The following PCDHGB6 variants were observed in gnomAD, a reference collection of about 807,000 sequenced individuals.
PCDHGB6 encodes the protein protocadherin gamma subfamily B, 6, also known as protocadherin gamma-B6.
PCDHGB6 carries 51 observed loss-of-function variants against 59.1 expected under a neutral mutation model. The observed-to-expected ratio is 0.86, with a 90% CI of 0.69 to 1.09. The LOEUF is 1.09. Among genes scored for constraint, PCDHGB6 ranks in the 50% least tolerant of loss-of-function variants. The pLI is 0.00. For synonymous variants in PCDHGB6, 466 were observed against 495.1 expected, an observed-to-expected ratio of 0.94 and a Z score of 0.78; for missense variants, 1,148 against 1,205.1, an observed-to-expected ratio of 0.95 and a Z score of 0.70.
In PCDHGB6 at chr5:141,477,428, T is replaced by C; in HGVS notation, c.2419-17379T>C. On this transcript the variant is annotated intron_variant, in intron 1 of 3. Transcript: ENST00000520790. The surrounding 1 kb of genome is among the most constrained non-coding windows in gnomAD (Gnocchi z 4.9). ...CCGAGACGCCGGAACCCCTTCCCTC[T>C]CAGCCCTTACAATAGTGCGTGTTCA... The C allele has an allele frequency of 6.2e-7, 1 of 1,614,142 alleles. No individual in the cohort carries two copies. Among genetic ancestry groups the C allele is most frequent in the Non-Finnish European group, 8.5e-7 (1 of 1,180,036 alleles).
At chr5:141,438,334 A>G (rs756299924) in intron 1 of PCDHGB6, among the ~76,000 whole-genome samples, 6 of 151,946 alleles carry the variant, frequency 3.9e-5, no homozygotes, top group Non-Finnish European at 7.4e-5. Context: ...TATACATGTC[A>G]TATAAGGATC....
chr5:141,410,479 G>A lies in PCDHGB6; in HGVS notation c.2277G>A (p.Thr759=). Residue 759 remains threonine (T), a synonymous_variant, in exon 1 of 4, where the codon ACG becomes ACA. Transcript: ENST00000520790. ...CTTATAATCTGTGCATTGCACATAC[G>A]GGTACAAAAGAGTTTAATTTCCTAA... ...PYSYNLCIAH[T]GTKEFNFLKC... is the part of the protein sequence containing the mutation. 1.2e-6 allele frequency: 2 copies of A among 1,613,956 alleles called. No homozygotes were observed. Among genetic ancestry groups the A allele is most frequent in the Non-Finnish European group, 1.7e-6 (2 of 1,179,878 alleles).
At position 141,408,896 on chromosome 5, in the gene PCDHGB6, GT is replaced by G; in HGVS notation, c.695del (p.Val232AlafsTer33). On this transcript the variant is annotated frameshift_variant, in exon 1 of 4. Transcript: ENST00000520790. LOFTEE classifies it high-confidence loss of function. ...TGCCACCGCTCACATAGAAATTTCTGTCAAGGATACCAATGATAACCCCCCG... is the reference window on the plus strand; with the variant it reads ...TGCCACCGCTCACATAGAAATTTCTGCAAGGATACCAATGATAACCCCCCG... The part of the protein sequence containing the change: ...RSATAHIEIS[V>X]KDTNDNPPVF... The G allele has an allele frequency of 6.2e-7, 1 of 1,613,328 alleles. No individual in the cohort carries two copies. Among genetic ancestry groups the G allele is most frequent in the Non-Finnish European group, 8.5e-7 (1 of 1,179,646 alleles).
At chr5:141,443,199 G>C (rs936013020) in intron 1 of PCDHGB6, among the ~76,000 whole-genome samples, 1 of 152,002 alleles carries the variant, frequency 6.6e-6, no homozygotes. Context: ...ATAGTACAAA[G>C]AGCTTGTCTC....
At chr5:141,481,732 T>G (rs549671056) in intron 1 of PCDHGB6, among the ~76,000 whole-genome samples, 33 of 151,884 alleles carry the variant, frequency 2.2e-4, no homozygotes, top group Non-Finnish European at 4.3e-4. Context: ...GGCGGGCGGA[T>G]CACGAGGTCA....
chr5:141,486,399 C>G lies in PCDHGB6; in HGVS notation c.2419-8408C>G. On this transcript the variant is annotated intron_variant, in intron 1 of 3. Transcript: ENST00000520790. The surrounding 1 kb of genome is among the most constrained non-coding windows in gnomAD (Gnocchi z 5.0). ...TTCAGGAACCAGTTCTCCCTGGTGA[C>G]TGCTGGACCCTTGGATCGAGAGGCC... The G allele has an allele frequency of 6.2e-7, 1 of 1,614,188 alleles. No individual in the cohort carries two copies. The highest frequency in any genetic ancestry group is 1.1e-5 in the South Asian group (1 of 91,090).
In PCDHGB6 at chr5:141,476,962, C is replaced by A. The variant is rs2099402286; in HGVS notation, c.2419-17845C>A. On this transcript the variant is annotated intron_variant, in intron 1 of 3. Coordinates refer to ENST00000520790, the MANE Select transcript of PCDHGB6 (RefSeq NM_018926.3). This position sits in a 1 kb window ranked among gnomAD's most constrained non-coding sequence, Gnocchi z 7.6. ...GCCCCAACGGTGAAATTATTTACTCCTTCGGCAGCCACAACCGCGCCGGCG... is the reference window on the plus strand; with the variant it reads ...GCCCCAACGGTGAAATTATTTACTCATTCGGCAGCCACAACCGCGCCGGCG... 2 of 1,614,200 alleles carry A rather than the reference C, an allele frequency of 1.2e-6. No individual in the cohort carries two copies. The highest frequency in any genetic ancestry group is 1.7e-6 in the Non-Finnish European group (2 of 1,180,042).
chr5:141,506,280 C>CT (rs1455257972), intron 3 of PCDHGB6, among the ~76,000 whole-genome samples: 1 of 152,024 alleles, frequency 6.6e-6, no homozygotes, highest in Non-Finnish European at 1.5e-5. Flanking sequence ...GAAACCCTGT[C>CT]TCTACTAAAA....
intron 1 of PCDHGB6, among the ~76,000 whole-genome samples, chr5:141,466,815 A>G (rs1019952491): frequency 1.3e-5 from 2 of 152,182 alleles, no homozygotes; most frequent in Non-Finnish European, 2.9e-5. Flanking sequence ...CAGACATGGT[A>G]TAACAAGTTA....
chr5:141,432,997 G>A lies in PCDHGB6; in HGVS notation c.2418+22377G>A, dbSNP rs778828769. ...CGCACTTTGTGGGCGTGGACGGGGT[G>A]CAGGCTTTCCTGCAGACCTATTCCC... is the stretch of plus-strand genomic sequence containing the variant. On this transcript the variant is annotated intron_variant, in intron 1 of 3. Coordinates refer to ENST00000520790, the MANE Select transcript of PCDHGB6 (RefSeq NM_018926.3). This position sits in a 1 kb window ranked among gnomAD's most constrained non-coding sequence, Gnocchi z 6.0. 5 of 1,614,082 alleles carry A rather than the reference G, an allele frequency of 3.1e-6. No homozygotes were observed. In the Admixed American group the frequency reaches 8.3e-5, roughly 27 times the overall value.
intron 1 of PCDHGB6, chr5:141,423,105 G>C (rs1480411428): frequency 1.9e-6 from 3 of 1,613,920 alleles, no homozygotes; most frequent in East Asian, 4.5e-5. Flanking sequence ...ACACGGGCGA[G>C]GTGCGTACAG....
intron 1 of PCDHGB6, chr5:141,417,508 TATTTTGGCTGTCAACTCGTAG>T: frequency 4.2e-6 from 1 of 237,898 alleles, no homozygotes; most frequent in East Asian, 9.1e-5. Flanking sequence ...AAGATTAAAA[TATTTTGGCTGTCAACTCGTAG>T]TTTAAAAAAA....
intron 1 of PCDHGB6, among the ~76,000 whole-genome samples, chr5:141,488,839 G>A (rs954244872): frequency 2.6e-5 from 4 of 152,206 alleles, no homozygotes; most frequent in African/African-American, 9.6e-5. Flanking sequence ...CAAGGGGGCT[G>A]AATCAACCTG....
intron 1 of PCDHGB6, chr5:141,478,582 G>T: frequency 1.3e-6 from 2 of 1,579,988 alleles, no homozygotes; most frequent in Non-Finnish European, 1.7e-6. Context: ...CCCTGTTAGT[G>T]CTTTTTTATT....
chr5:141,447,312 G>C (rs2098534178), intron 1 of PCDHGB6, among the ~76,000 whole-genome samples: 2 of 151,918 alleles, frequency 1.3e-5, no homozygotes, highest in African/African-American at 2.4e-5. Flanking sequence ...GCTAATTTTT[G>C]TATTTTTAGT....
At chr5:141,419,917 T>C in intron 1 of PCDHGB6, 1 of 1,612,890 alleles carries the variant, frequency 6.2e-7, no homozygotes, top group Non-Finnish European at 8.5e-7. Context: ...ACTCCCAGGC[T>C]GAGATGCAGT....
At chr5:141,484,639 C>A (rs1366750263) in intron 1 of PCDHGB6, among the ~76,000 whole-genome samples, 1 of 151,938 alleles carries the variant, frequency 6.6e-6, no homozygotes, top group Non-Finnish European at 1.5e-5. Context: ...AGTGACCACT[C>A]TCCAATGGCT....
chr5:141,477,794 C>G lies in PCDHGB6; in HGVS notation c.2419-17013C>G, dbSNP rs148942362. The G allele has an allele frequency of 6.2e-7, 1 of 1,614,086 alleles. No individual in the cohort carries two copies. The highest frequency in any genetic ancestry group is 1.1e-5 in the South Asian group (1 of 91,082). On this transcript the variant is annotated intron_variant, in intron 1 of 3. Transcript: ENST00000520790. This position sits in a 1 kb window ranked among gnomAD's most constrained non-coding sequence, Gnocchi z 4.9. ...CAGCGTGAACATATTTGTCACTGAT[C>G]GCAATGACAATGCCCCCCAGGTCCT...
chr5:141,484,002 A>T, intron 1 of PCDHGB6, among the ~76,000 whole-genome samples: 1 of 25,484 alleles, frequency 3.9e-5, no homozygotes, highest in African/African-American at 1.7e-4. Context: ...GGAGGTCTGG[A>T]TGAGGGTGGG....
Sources: gnomAD v4.1 joint callset for allele counts (sites outside exome capture counted in the v4.1 genomes callset) on GRCh38, gnomAD v4.1.1 for gene constraint, Gnocchi (gnomAD v3.1) non-coding constraint, MANE v1.5 for transcripts, NCBI Gene and HGNC (gene_info 2026-07-23, HGNC 2026-07-21) for gene names.